The following NDRG3 variants were observed in gnomAD, a reference collection of about 807,000 sequenced individuals.
NDRG3 encodes the protein NDRG family member 3.
NDRG3 carries 23 observed loss-of-function variants against 57.2 expected under a neutral mutation model. That is an observed-to-expected ratio of 0.40 (90% confidence interval 0.29 to 0.57). NDRG3 has a LOEUF of 0.57. Among genes scored for constraint, NDRG3 ranks in the 20% least tolerant of loss-of-function variants. NDRG3 has a pLI of 0.42. For synonymous variants in NDRG3, 132 were observed against 162.6 expected (o/e 0.81, Z 1.43); for missense variants, 384 against 457.3 (o/e 0.84, Z 1.46).
intron 3 of NDRG3, among the ~76,000 whole-genome samples, chr20:36,693,763 C>T (rs1323719595): frequency 6.6e-6 from 1 of 151,680 alleles, no homozygotes; most frequent in Non-Finnish European, 1.5e-5. Flanking sequence ...TGTCTCCCAT[C>T]ACCCCCACAT....
chr20:36,733,162 AAAAAAAAAAATATATATATATAT>A lies in NDRG3; in HGVS notation c.-48-11402_-48-11380del, dbSNP rs1804651254. ...ATCCTGTCTCAAAAAAAAAAAAAAA[AAAAAAAAAAATATATATATATAT>A]ATATATATATATATATATGCACATA... is the stretch of plus-strand genomic sequence containing the variant. On this transcript the variant is annotated intron_variant, in intron 1 of 15. Coordinates refer to ENST00000349004, the MANE Select transcript of NDRG3 (RefSeq NM_032013.4). 1.5e-4 allele frequency among the ~76,000 whole-genome samples: 8 copies of A among 52,056 alleles called. No homozygotes were observed. In the South Asian group the frequency reaches 2.7e-3, roughly 17 times the overall value. 34.2% of individuals were successfully genotyped at this position (52,056 alleles called of 152,430 possible). A position where few individuals can be genotyped will look rare whatever the true frequency, so the allele number is the denominator to read the frequency against.
intron 12 of NDRG3, among the ~76,000 whole-genome samples, chr20:36,664,810 C>A (rs1382310041): frequency 6.6e-6 from 1 of 152,030 alleles, no homozygotes; most frequent in Non-Finnish European, 1.5e-5. Context: ...CTACCTCAGC[C>A]TCCAGAGTAG....
intron 6 of NDRG3, among the ~76,000 whole-genome samples, chr20:36,683,908 A>T (rs1418099842): frequency 6.6e-6 from 1 of 152,158 alleles, no homozygotes; most frequent in Non-Finnish European, 1.5e-5. Flanking sequence ...TTAATAGTTT[A>T]ACTGTTCTCC....
chr20:36,727,783 T>G (rs1327236993), intron 1 of NDRG3, among the ~76,000 whole-genome samples: 1 of 151,650 alleles, frequency 6.6e-6, no homozygotes, highest in East Asian at 2.0e-4. Context: ...CCTCGTGATC[T>G]GCCCTCCTCA....
intron 9 of NDRG3, among the ~76,000 whole-genome samples, chr20:36,667,024 C>A (rs1371654074): frequency 6.6e-6 from 1 of 151,954 alleles, no homozygotes; most frequent in Non-Finnish European, 1.5e-5. Context: ...TTAGTAGAGA[C>A]GGGGTCTCAC....
intron 3 of NDRG3, among the ~76,000 whole-genome samples, chr20:36,691,542 T>C (rs1982264853): frequency 2.0e-5 from 3 of 152,090 alleles, no homozygotes; most frequent in Admixed American, 2.0e-4. Flanking sequence ...AGTGAAACTC[T>C]GTCTCTACAA....
At chr20:36,691,750 T>C (rs757392576) in intron 3 of NDRG3, among the ~76,000 whole-genome samples, 1 of 152,130 alleles carries the variant, frequency 6.6e-6, no homozygotes, top group Non-Finnish European at 1.5e-5. Flanking sequence ...AAGGTTTGGA[T>C]AGGAGGAATA....
intron 15 of NDRG3, among the ~76,000 whole-genome samples, 180 bp downstream of exon 15, chr20:36,656,180 A>AGTG (rs1978649381): frequency 6.6e-6 from 1 of 152,046 alleles, no homozygotes; most frequent in African/African-American, 2.4e-5. Flanking sequence ...GATGAAAGTA[A>AGTG]GTGCTGAGTG....
At chr20:36,664,975 C>T in intron 12 of NDRG3, 71 bp downstream of exon 12, 1 of 1,455,194 alleles carries the variant, frequency 6.9e-7, no homozygotes. Flanking sequence ...AGGCGTGAGC[C>T]ACTGCACCTG....
At position 36,704,591 on chromosome 20, in the gene NDRG3, C is replaced by T. The variant is rs564094742; in HGVS notation, c.93+2381G>A. On this transcript the variant is annotated intron_variant, in intron 3 of 15. Transcript: ENST00000349004. ...TACTGGTTCAACCTAGGATCCAAAC[C>T]ATAACTGAAGTTAGATCAAATTAAA... Among the ~76,000 whole-genome samples the T allele has an allele frequency of 3.9e-5, 6 of 152,238 alleles. No individual in the cohort carries two copies. In the East Asian group the frequency reaches 1.2e-3, roughly 29 times the overall value.
chr20:36,719,353 G>A (rs2148193380), intron 2 of NDRG3, among the ~76,000 whole-genome samples: 1 of 151,394 alleles, frequency 6.6e-6, no homozygotes, highest in East Asian at 2.0e-4. Flanking sequence ...CTTGAACCCG[G>A]GAGGCAGAGG....
At chr20:36,700,294 T>C in intron 3 of NDRG3, 1 of 268,630 alleles carries the variant, frequency 3.7e-6, no homozygotes, top group Non-Finnish European at 7.4e-6. Context: ...ACAACAAAAG[T>C]ATCCAAGAGT....
chr20:36,661,845 C>T (rs1239699125), intron 12 of NDRG3, among the ~76,000 whole-genome samples: 1 of 152,164 alleles, frequency 6.6e-6, no homozygotes, highest in Non-Finnish European at 1.5e-5. Flanking sequence ...TCCAGATGAA[C>T]TTTTAGTCTG....
At chr20:36,658,982 G>C (rs1393664415) in intron 13 of NDRG3, among the ~76,000 whole-genome samples, 1 of 149,010 alleles carries the variant, frequency 6.7e-6, no homozygotes, top group Non-Finnish European at 1.5e-5. Context: ...TTAGAGACAG[G>C]GTTTCACTCT....
At chr20:36,731,112 G>A (rs1202910824) in intron 1 of NDRG3, among the ~76,000 whole-genome samples, 1 of 152,158 alleles carries the variant, frequency 6.6e-6, no homozygotes, top group East Asian at 1.9e-4. Flanking sequence ...ATCAATTTCA[G>A]TCAGGAATCC....
At chr20:36,673,994 C>G (rs1007946614) in intron 8 of NDRG3, among the ~76,000 whole-genome samples, 1 of 151,852 alleles carries the variant, frequency 6.6e-6, no homozygotes, top group African/African-American at 2.4e-5. Flanking sequence ...ATCCCAGCTA[C>G]TCAGGAGGCT....
intron 13 of NDRG3, among the ~76,000 whole-genome samples, chr20:36,658,493 C>T (rs971568604): frequency 4.6e-5 from 7 of 152,244 alleles, no homozygotes; most frequent in African/African-American, 1.7e-4. Context: ...AGAGCATTAA[C>T]TTCACATTAG....
intron 3 of NDRG3, among the ~76,000 whole-genome samples, chr20:36,704,828 G>A (rs1466286923): frequency 6.6e-6 from 1 of 152,084 alleles, no homozygotes; most frequent in African/African-American, 2.4e-5. Flanking sequence ...CCCTTCCAAG[G>A]TGAGTCTCAT....
chr20:36,715,038 ATATATATATATATATATT>A (rs1190007866), intron 2 of NDRG3, among the ~76,000 whole-genome samples: 9 of 116,658 alleles, frequency 7.7e-5, no homozygotes, highest in African/African-American at 3.5e-4. Flanking sequence ...ATATATATAT[ATATATATATATATATATT>A]ATATTTAAGT....
Sources: allele counts gnomAD v4.1 joint callset (sites outside exome capture counted in the v4.1 genomes callset), GRCh38; gene constraint gnomAD v4.1.1; transcripts MANE v1.5; gene names NCBI Gene and HGNC (gene_info 2026-07-23, HGNC 2026-07-21).